The following C5orf34 variants were observed in gnomAD, a reference collection of about 807,000 sequenced individuals.
C5orf34 encodes uncharacterized protein C5orf34.
Under a neutral mutation model 78.4 loss-of-function variants are expected in C5orf34, and 73 were observed. The observed-to-expected ratio is 0.93, with a 90% CI of 0.77 to 1.13. The LOEUF (loss-of-function observed/expected upper bound fraction) is 1.13, where lower values mean the gene tolerates loss of function less well. Ranked by LOEUF, C5orf34 falls within the 50% of genes most tolerant of loss-of-function variation. C5orf34 has a pLI of 0.00. For synonymous variants in C5orf34, 251 were observed against 246.6 expected (o/e 1.02, Z -0.17); for missense variants, 730 against 732.7 (o/e 1.00, Z 0.04).
intron 11 of C5orf34, among the ~76,000 whole-genome samples, chr5:43,489,063 C>T (rs1331460764): frequency 6.6e-6 from 1 of 151,520 alleles, no homozygotes; most frequent in African/African-American, 2.4e-5. Flanking sequence ...TACAACTTAC[C>T]CCAACAACCA....
intron 11 of C5orf34, among the ~76,000 whole-genome samples, chr5:43,489,116 C>T (rs1366567399): frequency 1.3e-5 from 2 of 151,656 alleles, no homozygotes; most frequent in East Asian, 3.9e-4. Flanking sequence ...TTTTTTAAAC[C>T]CAACGCATTT....
chr5:43,507,548 A>G lies in C5orf34; in HGVS notation c.285+1029T>C, dbSNP rs1746038178. Among the ~76,000 whole-genome samples the G allele has an allele frequency of 1.3e-5, 2 of 152,258 alleles. 1 individual carries two copies. The highest frequency in any genetic ancestry group is 4.1e-4 in the South Asian group (2 of 4,838). The stretch of plus-strand genomic sequence containing the variant: ...GACTCAAAAGACACAATGGAAAATT[A>G]CCATTCTAGGCTAAGTTACAACTTA... On this transcript the variant is annotated intron_variant, in intron 3 of 12. Coordinates refer to ENST00000306862, the MANE Select transcript of C5orf34 (RefSeq NM_198566.4).
At chr5:43,494,628 T>C (rs764399181) in intron 6 of C5orf34, 27 bp from the exon 7 acceptor site, 9 of 1,447,808 alleles carry the variant, frequency 6.2e-6, no homozygotes, top group Non-Finnish European at 8.6e-6. Context: ...ATGAAAAATT[T>C]CATTAATAAT....
chr5:43,506,022 C>G lies in C5orf34; in HGVS notation c.658G>C (p.Gly220Arg). The change falls in exon 4 of 13, where the codon GGG (glycine) becomes CGG (arginine). Residue 220 changes from glycine (G) to arginine (R), a missense_variant. By Grantham distance (125) the Gly-to-Arg change is moderately radical (BLOSUM62 -2). Coordinates refer to ENST00000306862, the MANE Select transcript of C5orf34 (RefSeq NM_198566.4). ...CCAGGCGAAGGCAGCTCTTCCCTCC[C>G]TTCAGTTCCATTTACACAACTCATC... ...KKMSCVNGTE[G>R]REELPSPGTK... 1 of 1,614,208 alleles carries G rather than the reference C, an allele frequency of 6.2e-7. No individual in the cohort carries two copies. Among genetic ancestry groups the G allele is most frequent in the East Asian group, 2.2e-5 (1 of 44,896 alleles).
chr5:43,501,445 A>G (rs1353112043), intron 6 of C5orf34, among the ~76,000 whole-genome samples: 1 of 152,184 alleles, frequency 6.6e-6, no homozygotes, highest in Non-Finnish European at 1.5e-5. Context: ...TGTTCAATTA[A>G]TATGTATTTA....
chr5:43,503,745 A>G lies in C5orf34; in HGVS notation c.948T>C (p.Asp316=). The G allele has an allele frequency of 6.2e-7, 1 of 1,611,938 alleles. No homozygotes were observed. Among genetic ancestry groups the G allele is most frequent in the Non-Finnish European group, 8.5e-7 (1 of 1,178,096 alleles). ...VPHLHRWNFC[D]SLLQRQSDEY... is the part of the protein sequence containing the mutation. ...CATCAGATTGTCTCTGTAAAAGTGA[A>G]TCACAAAAATTCCACCTGTGAAGGA... The change falls in exon 5 of 13, where the codon GAT becomes GAC. Residue 316 remains aspartate, a synonymous_variant. Coordinates refer to ENST00000306862, the MANE Select transcript of C5orf34 (RefSeq NM_198566.4).
In C5orf34 at chr5:43,492,818, A is replaced by G; in HGVS notation, c.1387T>C (p.Phe463Leu). ...ACTTTGTCATCAGAGTAGGCAAGAA[A>G]TCTTCCCACACTGGGTATGAGTGAC... ...KESLIPSVGR[F>L]LAYSDDKVHA... is the part of the protein sequence containing the mutation. Residue 463 changes from phenylalanine (F) to leucine (L), a missense_variant, in exon 9 of 13, where the codon TTT becomes CTT. By Grantham distance (22) the Phe-to-Leu change is conservative (BLOSUM62 0). Transcript: ENST00000306862. The G allele has an allele frequency of 6.2e-7, 1 of 1,612,680 alleles. No homozygotes were observed. Among genetic ancestry groups the G allele is most frequent in the Non-Finnish European group, 8.5e-7 (1 of 1,178,880 alleles).
intron 10 of C5orf34, among the ~76,000 whole-genome samples, chr5:43,491,090 A>G (rs1745261513): frequency 6.6e-6 from 1 of 152,206 alleles, no homozygotes; most frequent in African/African-American, 2.4e-5. Flanking sequence ...TTCACACAAA[A>G]TAAGACTGAC....
At chr5:43,487,665 G>A (rs1745119781) in intron 12 of C5orf34, among the ~76,000 whole-genome samples, 1 of 152,004 alleles carries the variant, frequency 6.6e-6, no homozygotes, top group South Asian at 2.1e-4. Context: ...CTCCAAAGGA[G>A]ACCTTAACCC....
chr5:43,510,294 T>C (rs965798616), intron 1 of C5orf34, among the ~76,000 whole-genome samples: 15 of 152,188 alleles, frequency 9.9e-5, no homozygotes. Flanking sequence ...CTGAGCAACT[T>C]AATCTCCTAT....
chr5:43,512,139 TTGTG>T (rs1311232221), intron 1 of C5orf34, among the ~76,000 whole-genome samples: 1 of 152,226 alleles, frequency 6.6e-6, no homozygotes, highest in Non-Finnish European at 1.5e-5. Context: ...AACAGGATTG[TTGTG>T]TGTATTAAAA....
At chr5:43,488,121 T>TA (rs1362315089) in intron 11 of C5orf34, 172 bp from the exon 12 acceptor site, 16 of 593,950 alleles carry the variant, frequency 2.7e-5, no homozygotes, top group African/African-American at 2.4e-4. Context: ...ACTCAACTGA[T>TA]ACTTACTGAG....
chr5:43,509,970 G>T (rs1019026658), intron 1 of C5orf34, among the ~76,000 whole-genome samples: 8 of 152,198 alleles, frequency 5.3e-5, no homozygotes, highest in Admixed American at 2.6e-4. Context: ...GGTCAGGCTG[G>T]TCTGGAACTC....
intron 1 of C5orf34, 51 bp downstream of exon 1, chr5:43,514,755 T>C (rs1250833275): frequency 1.3e-5 from 2 of 152,156 alleles, no homozygotes; most frequent in Non-Finnish European, 2.9e-5. Flanking sequence ...CTATAGTCTC[T>C]AGTTACAGAA....
intron 3 of C5orf34, among the ~76,000 whole-genome samples, chr5:43,507,072 A>C (rs1746013137): frequency 6.6e-6 from 1 of 152,232 alleles, no homozygotes; most frequent in Non-Finnish European, 1.5e-5. Flanking sequence ...AAAAGTACCC[A>C]TCCTAGGTAG....
In C5orf34 at chr5:43,490,692, T is replaced by A. The variant is rs1745246965; in HGVS notation, c.1618A>T (p.Thr540Ser). 1 of 1,610,328 alleles carries A rather than the reference T, an allele frequency of 6.2e-7. No homozygotes were observed. The highest frequency in any genetic ancestry group is 8.5e-7 in the Non-Finnish European group (1 of 1,176,912). ...GGCATCTCTCTGGGACTAGTCTGGG[T>A]CAGTCTCCTGCACCATGATGTTACT... ...TTVTSWCRRL[T>S]QTSPREMPTH... Residue 540 changes from threonine (T) to serine (S), a missense_variant, in exon 11 of 13, where the codon ACC (threonine) becomes TCC (serine). Thr to Ser is a moderately conservative substitution (Grantham distance 58, BLOSUM62 1). Coordinates refer to ENST00000306862, the MANE Select transcript of C5orf34 (RefSeq NM_198566.4).
chr5:43,497,801 A>G (rs749066909), intron 6 of C5orf34, among the ~76,000 whole-genome samples: 1 of 152,258 alleles, frequency 6.6e-6, no homozygotes, highest in Admixed American at 6.5e-5. Context: ...TCTTTTGGCT[A>G]TGAAAACAGA....
intron 12 of C5orf34, among the ~76,000 whole-genome samples, chr5:43,487,321 T>G (rs1411820498): frequency 6.6e-6 from 1 of 151,558 alleles, no homozygotes; most frequent in Non-Finnish European, 1.5e-5. Context: ...GAGAATAGAG[T>G]GTGTATGTGT....
chr5:43,504,548 A>G (rs1392170104), intron 4 of C5orf34, among the ~76,000 whole-genome samples: 2 of 152,180 alleles, frequency 1.3e-5, no homozygotes, highest in Admixed American at 6.5e-5. Context: ...GGAAATGAGC[A>G]TAATTTAGCC....
Sources: gnomAD v4.1 joint callset for allele counts (sites outside exome capture counted in the v4.1 genomes callset) on GRCh38, gnomAD v4.1.1 for gene constraint, MANE v1.5 for transcripts, NCBI Gene and HGNC (gene_info 2026-07-23, HGNC 2026-07-21) for gene names.